The following CPM variants were observed in gnomAD, a reference collection of about 807,000 sequenced individuals.
CPM encodes the protein renal carboxypeptidase.
Under a neutral mutation model 46.4 loss-of-function variants are expected in CPM, and 35 were observed. The ratio of observed to expected loss-of-function variants is 0.75; its 90% CI spans 0.58 to 1.00. The LOEUF is 1.00. Ranked by LOEUF, CPM falls within the 50% of genes least tolerant of loss-of-function variation. CPM has a pLI of 0.00. For synonymous variants in CPM, 195 were observed against 195.3 expected (o/e 1.00, Z 0.01); for missense variants, 422 against 530.4 (o/e 0.80, Z 2.01).
At chr12:68,843,104 TTTA>T in intron 5 of CPM, 3 of 223,110 alleles carry the variant, frequency 1.3e-5, no homozygotes, top group Non-Finnish European at 2.7e-5. Context: ...TTTTTTTTTT[TTTA>T]AAGCCACACA....
rs1481871110 is a variant in CPM, at chr12:68,852,562, T to TC, written c.*3874_*3875insG. 6.6e-6 allele frequency: 1 copy of TC among 151,558 alleles called. No homozygotes were observed. Among genetic ancestry groups the TC allele is most frequent in the Admixed American group, 6.6e-5 (1 of 15,224 alleles). The allele number at this position is 151,558 out of a possible 1,614,324, so 9.4% of individuals were successfully genotyped here. ...TTTTCTTTCTTTCTTTTTTCTTTTT[T>TC]TTTTTTTGAGACAGAGGTTCGCTCT... On this transcript the variant is annotated 3_prime_UTR_variant, in exon 9 of 9. Coordinates refer to ENST00000551568, the MANE Select transcript of CPM (RefSeq NM_198320.5).
At chr12:68,846,572 G>C (rs59990811), downstream of CPM, 1 of 152,032 alleles carries the variant, frequency 6.6e-6, no homozygotes, top group African/African-American at 2.4e-5. Context: ...ATTTCACTAC[G>C]TTTGGTCCTA....
rs146812803 is a variant in CPM, at chr12:68,958,929, A to G, written c.-4+4240T>C. 4.1e-3 allele frequency among the ~76,000 whole-genome samples: 620 copies of G among 152,154 alleles called. 9 individuals carry two copies. Among genetic ancestry groups the G allele is most frequent in the African/African-American group, 0.014 (594 of 41,524 alleles). ...ACAAGCTCTGCCCTGTGCCAGACAC[A>G]TTCTTCTCCTAAGTCGTCCCATGTC... On this transcript the variant is annotated intron_variant, in intron 1 of 8. Transcript: ENST00000546373.
rs1214976207 is a variant in CPM, at chr12:68,928,081, G to A, written c.160+4597C>T. 2.0e-5 allele frequency among the ~76,000 whole-genome samples: 3 copies of A among 152,210 alleles called. No individual in the cohort carries two copies. In the East Asian group the frequency reaches 5.8e-4, roughly 29 times the overall value. ...TTGCCAAGTCAGTCCTAAGCCAAAA[G>A]AGCAAAGCTGGAGGCATCATGCTAC... On this transcript the variant is annotated intron_variant, in intron 2 of 8. Transcript: ENST00000551568.
At chr12:68,907,753 T>G (rs925351184) in intron 2 of CPM, among the ~76,000 whole-genome samples, 3 of 152,254 alleles carry the variant, frequency 2.0e-5, no homozygotes, top group Non-Finnish European at 4.4e-5. Flanking sequence ...CTACATGTAG[T>G]CATCCACTTT....
In CPM at chr12:68,853,008, A is replaced by C. The variant is rs951655655; in HGVS notation, c.*3429T>G. ...CCCAAGAGGGAGGGGAAAAGCCGGA[A>C]AGGCGTTGGGCAGGGAGGTGGCTTG... On this transcript the variant is annotated 3_prime_UTR_variant, in exon 9 of 9. Coordinates refer to ENST00000551568, the MANE Select transcript of CPM (RefSeq NM_198320.5). 3 of 152,344 alleles carry C rather than the reference A, an allele frequency of 2.0e-5. No homozygotes were observed. The highest frequency in any genetic ancestry group is 7.2e-5 in the African/African-American group (3 of 41,456). The allele number at this position is 152,344 out of a possible 1,614,324, so 9.4% of individuals were successfully genotyped here.
At chr12:68,893,921 C>T (rs527714203) in intron 2 of CPM, among the ~76,000 whole-genome samples, 7 of 152,304 alleles carry the variant, frequency 4.6e-5, no homozygotes, top group South Asian at 2.1e-4. Context: ...TTGGGCCCAG[C>T]ATTCCTGGCT....
At chr12:68,946,517 A>G (rs921071780) in intron 1 of CPM, among the ~76,000 whole-genome samples, 1 of 152,186 alleles carries the variant, frequency 6.6e-6, no homozygotes, top group Non-Finnish European at 1.5e-5. Flanking sequence ...ATAACTTGGG[A>G]TTCCTAGGCC....
intron 2 of CPM, among the ~76,000 whole-genome samples, chr12:68,922,460 C>T (rs1888074666): frequency 6.6e-6 from 1 of 152,174 alleles, no homozygotes; most frequent in African/African-American, 2.4e-5. Flanking sequence ...ACTTAATTGG[C>T]TTCTCCTGAA....
intron 5 of CPM, chr12:68,845,664 A>C (rs936076821): frequency 2.9e-5 from 5 of 174,266 alleles, no homozygotes; most frequent in African/African-American, 1.2e-4. Flanking sequence ...CTACAATCCC[A>C]CATCTCTGCT....
intron 2 of CPM, among the ~76,000 whole-genome samples, chr12:68,892,105 CA>C (rs1221502414): frequency 1.3e-5 from 2 of 152,174 alleles, no homozygotes; most frequent in African/African-American, 2.4e-5. Flanking sequence ...ACCACTGTAA[CA>C]AAGGACAAGA....
chr12:68,859,125 AATT>A (rs1223557527), intron 7 of CPM, 54 bp from the exon 8 acceptor site: 3 of 963,012 alleles, frequency 3.1e-6, no homozygotes, highest in East Asian at 6.4e-5. Context: ...GGCATATAAA[AATT>A]ATTATAAATA....
At chr12:68,902,860 T>A (rs1045125294) in intron 2 of CPM, among the ~76,000 whole-genome samples, 2 of 152,192 alleles carry the variant, frequency 1.3e-5, no homozygotes, top group African/African-American at 4.8e-5. Flanking sequence ...GATGTTTACC[T>A]TTTTTAGAAT....
chr12:68,893,673 A>G (rs1375759790), intron 2 of CPM, among the ~76,000 whole-genome samples: 1 of 152,230 alleles, frequency 6.6e-6, no homozygotes, highest in Non-Finnish European at 1.5e-5. Context: ...GGAACACAGA[A>G]GGCTTCCCTG....
upstream of CPM, among the ~76,000 whole-genome samples, chr12:68,933,400 C>A (rs1430767053): frequency 6.6e-6 from 1 of 152,134 alleles, no homozygotes; most frequent in African/African-American, 2.4e-5. Flanking sequence ...GGGCTGCGGG[C>A]ATGGAGTCGC....
intron 2 of CPM, among the ~76,000 whole-genome samples, chr12:68,928,794 C>T (rs987238237): frequency 2.9e-4 from 43 of 150,834 alleles, no homozygotes; most frequent in African/African-American, 9.3e-4. Flanking sequence ...GGCTGGAGTA[C>T]GGTGGCACGA....
downstream of CPM, chr12:68,847,452 C>CTTTCTTTTTTT (rs1555190285): frequency 1.1e-5 from 1 of 88,722 alleles, no homozygotes; most frequent in African/African-American, 5.6e-5. Context: ...TATCTCCTTT[C>CTTTCTTTTTTT]TTTTTTTTTT....
At chr12:68,900,334 G>T (rs1592676023) in intron 2 of CPM, among the ~76,000 whole-genome samples, 2 of 152,270 alleles carry the variant, frequency 1.3e-5, no homozygotes, top group East Asian at 3.9e-4. Context: ...ACAACAATGA[G>T]ATATCAATGC....
intron 2 of CPM, among the ~76,000 whole-genome samples, chr12:68,916,964 A>AATTT (rs1425486383): frequency 6.6e-6 from 1 of 152,120 alleles, no homozygotes; most frequent in Non-Finnish European, 1.5e-5. Flanking sequence ...AATTATCAGA[A>AATTT]ATTTTTCAAT....
Sources: allele counts gnomAD v4.1 joint callset (sites outside exome capture counted in the v4.1 genomes callset), GRCh38; gene constraint gnomAD v4.1.1; transcripts MANE v1.5; gene names NCBI Gene and HGNC (gene_info 2026-07-23, HGNC 2026-07-21).